Variants in DAB1 observed in about 807,000 individuals in gnomAD.
DAB1 encodes the protein disabled homolog 1.
DAB1 carries 15 observed loss-of-function variants against 64.6 expected under a neutral mutation model. The ratio of observed to expected loss-of-function variants is 0.23; its 90% confidence interval spans 0.16 to 0.36. The LOEUF is 0.36. Ranked by LOEUF, DAB1 falls within the 10% of genes least tolerant of loss-of-function variation. The probability of loss-of-function intolerance (pLI) is 1.00; values close to 1 mark genes in which losing one functional copy is unlikely to be tolerated. For missense variants in DAB1, 596 were observed against 706.7 expected, an observed-to-expected ratio of 0.84 and a Z score of 1.78; for synonymous variants, 235 against 251.9, an observed-to-expected ratio of 0.93 and a Z score of 0.64.
At chr1:57,723,412 G>T (rs991137590) in intron 6 of DAB1, among the ~76,000 whole-genome samples, 2 of 152,144 alleles carry the variant, frequency 1.3e-5, no homozygotes, top group African/African-American at 4.8e-5. Context: ...TATGCCATTT[G>T]TCTGTGCTTG....
At chr1:58,066,221 T>C (rs1648845767) in intron 5 of DAB1, among the ~76,000 whole-genome samples, 1 of 152,078 alleles carries the variant, frequency 6.6e-6, no homozygotes, top group Non-Finnish European at 1.5e-5. Flanking sequence ...AACAAATGAA[T>C]AACATGAGAC....
At chr1:57,970,386 G>GT in intron 5 of DAB1, among the ~76,000 whole-genome samples, 1 of 152,026 alleles carries the variant, frequency 6.6e-6, no homozygotes, top group Middle Eastern at 3.4e-3. Flanking sequence ...AGCTTTGCCA[G>GT]TGGGGGTCAC....
chr1:57,119,515 A>C (rs1337088279), intron 4 of DAB1, among the ~76,000 whole-genome samples: 1 of 152,124 alleles, frequency 6.6e-6, no homozygotes, highest in African/African-American at 2.4e-5. Context: ...TATTTGTCAC[A>C]TGTGCTCTGT....
intron 7 of DAB1, among the ~76,000 whole-genome samples, chr1:57,591,120 C>A (rs1036036765): frequency 6.6e-6 from 1 of 152,138 alleles, no homozygotes; most frequent in African/African-American, 2.4e-5. Flanking sequence ...TTGAATGCAG[C>A]GACTCTCAGG....
chr1:57,590,980 G>A (rs1266938375), intron 7 of DAB1, among the ~76,000 whole-genome samples: 1 of 152,114 alleles, frequency 6.6e-6, no homozygotes, highest in Admixed American at 6.5e-5. Flanking sequence ...TTAGAGATGA[G>A]AGCCAAGAAT....
chr1:58,535,595 C>CAA lies in DAB1; in HGVS notation n.33-8262_33-8261dup, dbSNP rs11315198. ...TGGGTGACAGAGCAAGTCTCTGTCTCAAAAAAAAAAAAAAAAAAAAGATTC... is the reference window on the plus strand; with the variant it reads ...TGGGTGACAGAGCAAGTCTCTGTCTCAAAAAAAAAAAAAAAAAAAAAAGATTC... On this transcript the variant is annotated intron_variant and non_coding_transcript_variant, in intron 1 of 20. Coordinates refer to the DAB1 transcript ENST00000485760. 1.3e-3 allele frequency among the ~76,000 whole-genome samples: 121 copies of CAA among 95,512 alleles called. 1 individual carries two copies. The highest frequency in any genetic ancestry group is 3.3e-3 in the African/African-American group (84 of 25,528). The allele number at this position is 95,512 out of a possible 152,430, so 62.7% of individuals were successfully genotyped here.
intron 2 of DAB1, among the ~76,000 whole-genome samples, chr1:57,285,504 C>T (rs1672243305): frequency 6.6e-6 from 1 of 152,022 alleles, no homozygotes. Context: ...AACACCTGAC[C>T]TCAGGTGATC....
intron 6 of DAB1, among the ~76,000 whole-genome samples, chr1:57,701,539 C>T (rs918912232): frequency 7.2e-5 from 11 of 151,816 alleles, no homozygotes; most frequent in African/African-American, 2.7e-4. Flanking sequence ...GAACATCACA[C>T]ACCAGGGGTA....
chr1:57,366,470 A>G (rs1047546583), intron 1 of DAB1, among the ~76,000 whole-genome samples: 2 of 152,204 alleles, frequency 1.3e-5, no homozygotes, highest in African/African-American at 4.8e-5. Flanking sequence ...AAGAGATGGA[A>G]GGGTTGGTTG....
At chr1:58,025,651 G>A (rs4445495) in intron 5 of DAB1, among the ~76,000 whole-genome samples, 4,916 of 75,108 alleles carry the variant, frequency 0.065, 379 homozygotes, top group African/African-American at 0.16. Flanking sequence ...ATATATGTGT[G>A]TATATATATA....
intron 3 of DAB1, among the ~76,000 whole-genome samples, chr1:58,480,190 A>T (rs1411518151): frequency 2.0e-5 from 3 of 152,082 alleles, no homozygotes; most frequent in African/African-American, 7.2e-5. Context: ...CAGGAAGGTC[A>T]ACTTGGGGAC....
At chr1:57,538,428 T>C (rs909672617) in intron 7 of DAB1, among the ~76,000 whole-genome samples, 12 of 152,244 alleles carry the variant, frequency 7.9e-5, no homozygotes, top group Non-Finnish European at 1.8e-4. Flanking sequence ...CCTGGCTCCA[T>C]TTCCTGCAAA....
intron 3 of DAB1, among the ~76,000 whole-genome samples, chr1:58,493,742 A>G (rs1645743210): frequency 6.6e-6 from 1 of 151,934 alleles, no homozygotes; most frequent in South Asian, 2.1e-4. Flanking sequence ...GGAGAACTAC[A>G]AACCACTGCT....
intron 5 of DAB1, chr1:58,074,545 C>CATATATATATATATATATATAT (rs1557638894): frequency 4.9e-5 from 3 of 60,956 alleles, no homozygotes; most frequent in Admixed American, 2.4e-4. Flanking sequence ...TATATATATA[C>CATATATATATATATATATATAT]ACACATATAT....
In DAB1 at chr1:57,359,371, C is replaced by T. The variant is rs555874825; in HGVS notation, c.-137+64559G>A. Among the ~76,000 whole-genome samples, 5 of 151,928 alleles carry T rather than the reference C, an allele frequency of 3.3e-5. No individual in the cohort carries two copies. In the East Asian group the frequency reaches 9.7e-4, roughly 29 times the overall value. On this transcript the variant is annotated intron_variant, in intron 1 of 14. Coordinates refer to ENST00000371236, the MANE Select transcript of DAB1 (RefSeq NM_001365792.1). ...AATATCACTAATCATCAGTGAAATGCAAATCAAAACCACAATAAGATATCC... is the reference window on the plus strand; with the variant it reads ...AATATCACTAATCATCAGTGAAATGTAAATCAAAACCACAATAAGATATCC...
chr1:57,742,007 G>A (rs765233266), intron 6 of DAB1, among the ~76,000 whole-genome samples: 1 of 152,230 alleles, frequency 6.6e-6, no homozygotes, highest in Non-Finnish European at 1.5e-5. Flanking sequence ...GCCCATGGGG[G>A]TGGAGGTTCA....
chr1:57,523,721 T>C lies in DAB1; in HGVS notation n.625+125871A>G, dbSNP rs147442635. Reference sequence around the variant, plus strand: ...TGGATTACTTGAGGCCTGGAGTTTGTGACCAGCCTGGCCAACATAGTGAAA... The same window carrying C: ...TGGATTACTTGAGGCCTGGAGTTTGCGACCAGCCTGGCCAACATAGTGAAA... On this transcript the variant is annotated intron_variant and non_coding_transcript_variant, in intron 7 of 20. Transcript: ENST00000485760. Among the ~76,000 whole-genome samples the C allele has an allele frequency of 2.2e-3, 342 of 152,094 alleles. 1 individual carries two copies. Among genetic ancestry groups the C allele is most frequent in the African/African-American group, 7.9e-3 (326 of 41,526 alleles).
intron 2 of DAB1, among the ~76,000 whole-genome samples, chr1:57,279,135 T>A (rs1022058633): frequency 6.6e-6 from 1 of 152,190 alleles, no homozygotes; most frequent in Non-Finnish European, 1.5e-5. Context: ...AATTAAGAGA[T>A]AGAAATGATG....
intron 4 of DAB1, among the ~76,000 whole-genome samples, chr1:58,180,504 A>G (rs1259229068): frequency 6.6e-6 from 1 of 151,802 alleles, no homozygotes; most frequent in Non-Finnish European, 1.5e-5. Flanking sequence ...TATGTTGCCC[A>G]GGCTGGTCTC....
Sources: gnomAD v4.1 joint callset for allele counts (sites outside exome capture counted in the v4.1 genomes callset) on GRCh38, gnomAD v4.1.1 for gene constraint, MANE v1.5 for transcripts, NCBI Gene and HGNC (gene_info 2026-07-23, HGNC 2026-07-21) for gene names.